Variants in ADAMTS2 observed in about 807,000 individuals in gnomAD.
ADAMTS2 encodes A disintegrin and metalloproteinase with thrombospondin motifs 2.
In ADAMTS2, 50 loss-of-function variants were observed where a neutral mutation model predicts 123.0. That is an observed-to-expected ratio of 0.41 (90% CI 0.32 to 0.51). ADAMTS2 has a LOEUF of 0.51. Among genes scored for constraint, ADAMTS2 ranks in the 20% least tolerant of loss-of-function variants. The pLI, the probability that ADAMTS2 is intolerant of heterozygous loss-of-function variation, is 0.35. For missense variants in ADAMTS2, 1,494 were observed against 1,705.2 expected (o/e 0.88, Z 2.18); for synonymous variants, 678 against 695.4 (o/e 0.98, Z 0.39).
chr5:179,331,025 G>A (rs62395044), intron 2 of ADAMTS2, among the ~76,000 whole-genome samples: 35,455 of 151,874 alleles, frequency 0.23, 4,281 homozygotes, highest in Admixed American at 0.29. Context: ...AGTGAAAGGA[G>A]CTGGCTCTGG....
chr5:179,320,975 A>G (rs1757154135), intron 2 of ADAMTS2, among the ~76,000 whole-genome samples: 1 of 152,236 alleles, frequency 6.6e-6, no homozygotes, highest in Admixed American at 6.5e-5. Context: ...GATGTGGGAA[A>G]AAAAACAACT....
At chr5:179,340,403 G>A (rs1757738734) in intron 2 of ADAMTS2, among the ~76,000 whole-genome samples, 1 of 152,220 alleles carries the variant, frequency 6.6e-6, no homozygotes, top group Non-Finnish European at 1.5e-5. Context: ...AGCCAGTCAA[G>A]GCCACTCAGC....
rs751658808 is a variant in ADAMTS2, at chr5:179,307,990, CA to C, written c.535-34927del. On this transcript the variant is annotated intron_variant, in intron 2 of 21. Transcript: ENST00000251582. This position sits in a 1 kb window ranked among gnomAD's most constrained non-coding sequence, Gnocchi z 5.6. ...CCTTGCTGGGTCCACGTCACCAGAC[CA>C]GTGCCTGGCATCTCACAGGCATGGA... Among the ~76,000 whole-genome samples, 1 of 152,206 alleles carries C rather than the reference CA, an allele frequency of 6.6e-6. No individual in the cohort carries two copies. Among genetic ancestry groups the C allele is most frequent in the Admixed American group, 6.5e-5 (1 of 15,282 alleles).
chr5:179,131,362 G>A (rs1262770358), intron 15 of ADAMTS2, among the ~76,000 whole-genome samples: 1 of 149,362 alleles, frequency 6.7e-6, no homozygotes, highest in African/African-American at 2.5e-5. Context: ...TCAAGAGAGT[G>A]AGATCCTGTC....
chr5:179,305,731 A>C (rs868747603), intron 2 of ADAMTS2, among the ~76,000 whole-genome samples: 1 of 152,234 alleles, frequency 6.6e-6, no homozygotes, highest in Non-Finnish European at 1.5e-5. Flanking sequence ...ATAAATCTCT[A>C]GTGAGACTGA....
At chr5:179,302,008 G>A (rs888525623) in intron 2 of ADAMTS2, among the ~76,000 whole-genome samples, 8 of 152,212 alleles carry the variant, frequency 5.3e-5, no homozygotes, top group South Asian at 4.1e-4. Flanking sequence ...CCCAGGCTCC[G>A]GGACTCCCTG....
intron 3 of ADAMTS2, among the ~76,000 whole-genome samples, chr5:179,218,429 G>T (rs544322072): frequency 6.6e-6 from 1 of 152,240 alleles, no homozygotes; most frequent in Non-Finnish European, 1.5e-5. Flanking sequence ...AAGCAGGCAG[G>T]CTCTTTGGAG....
chr5:179,215,406 C>A (rs372961176), intron 3 of ADAMTS2, among the ~76,000 whole-genome samples: 46 of 152,296 alleles, frequency 3.0e-4, no homozygotes, highest in African/African-American at 1.0e-3. Flanking sequence ...TGAGATCACG[C>A]CATTGCACTC....
chr5:179,152,061 G>T (rs1763369483), intron 10 of ADAMTS2, 81 bp downstream of exon 10: 1 of 1,329,662 alleles, frequency 7.5e-7, no homozygotes, highest in Non-Finnish European at 1.1e-6. Context: ...CCCACTTCAG[G>T]GCCTGTCCCT....
chr5:179,136,139 C>T (rs1462746142), intron 12 of ADAMTS2, 97 bp from the exon 13 acceptor site: 1 of 1,574,448 alleles, frequency 6.4e-7, no homozygotes. Flanking sequence ...CCACAAGGGT[C>T]CCCACGTGGC....
intron 3 of ADAMTS2, among the ~76,000 whole-genome samples, chr5:179,213,818 A>C (rs557035722): frequency 6.6e-6 from 1 of 152,336 alleles, no homozygotes; most frequent in African/African-American, 2.4e-5. Context: ...CATGGAAAAA[A>C]ATACAAAAGA....
chr5:179,123,885 C>T (rs550320905), intron 19 of ADAMTS2, among the ~76,000 whole-genome samples: 1 of 152,224 alleles, frequency 6.6e-6, no homozygotes, highest in Non-Finnish European at 1.5e-5. Context: ...TGGGGAACAC[C>T]TGCTTTTCCT....
chr5:179,190,521 C>T (rs11949990), intron 4 of ADAMTS2, among the ~76,000 whole-genome samples: 2,825 of 152,136 alleles, frequency 0.019, 86 homozygotes, highest in African/African-American at 0.064. Flanking sequence ...TAGAGAGTGC[C>T]CAAGGGGGTT....
rs188784176 is a variant in ADAMTS2 at position 179,206,109 on chromosome 5, A to G, written c.891+1404T>C. 4.1e-4 allele frequency among the ~76,000 whole-genome samples: 62 copies of G among 152,334 alleles called. No individual in the cohort carries two copies. The East Asian group carries it at 0.01, about 25-fold the overall frequency. On this transcript the variant is annotated intron_variant, in intron 4 of 21. Coordinates refer to ENST00000251582, the MANE Select transcript of ADAMTS2 (RefSeq NM_014244.5). The stretch of plus-strand genomic sequence containing the variant: ...TACGTTTCAAAAATAAGATGAGGGT[A>G]AGTGTGACAACGCTCTCCCAAATAA...
In ADAMTS2 at chr5:179,229,378, C is replaced by T. The variant is rs1199577235; in HGVS notation, c.689-21663G>A. 1.8e-4 allele frequency among the ~76,000 whole-genome samples: 6 copies of T among 32,540 alleles called. 1 individual carries two copies. The highest frequency in any genetic ancestry group is 5.4e-4 in the African/African-American group (3 of 5,600). 21.3% of individuals were successfully genotyped at this position (32,540 alleles called of 152,430 possible). A position where few individuals can be genotyped will look rare whatever the true frequency, so the allele number is the denominator to read the frequency against. ...CCCGACGGAGAGGTAATTCCACAAA[C>T]ACGAGACCCCGCTGCCCACTCCACA... On this transcript the variant is annotated intron_variant, in intron 3 of 21. Transcript: ENST00000251582.
Position 179,125,106 on chromosome 5 carries a change from C to A in ADAMTS2, c.2825G>T (p.Cys942Phe). 6.2e-7 allele frequency: 1 copy of A among 1,612,936 alleles called. No individual in the cohort carries two copies. The highest frequency in any genetic ancestry group is 8.5e-7 in the Non-Finnish European group (1 of 1,179,900). The stretch of plus-strand genomic sequence containing the variant: ...GGTGTTGTCGTGTAGCGGCTGAATG[C>A]AGCGCACGGAGCGCACCTGCATGCC... ...RTGMQVRSVR[C>F]IQPLHDNTTR... Residue 942 changes from cysteine (C) to phenylalanine (F), a missense_variant, in exon 19 of 22, where the codon TGC (cysteine) becomes TTC (phenylalanine). Coordinates refer to ENST00000251582, the MANE Select transcript of ADAMTS2 (RefSeq NM_014244.5).
rs10038484 is a variant in ADAMTS2 at position 179,113,025 on chromosome 5, A to G, written c.*842T>C. On this transcript the variant is annotated 3_prime_UTR_variant, in exon 22 of 22. Coordinates refer to ENST00000251582, the MANE Select transcript of ADAMTS2 (RefSeq NM_014244.5). ...CAGGTGGAGGACAGCTGCACGGCTCAGACTCGGTCGAGACATTCAGATGCC... is the reference window on the plus strand; with the variant it reads ...CAGGTGGAGGACAGCTGCACGGCTCGGACTCGGTCGAGACATTCAGATGCC... 70,830 of 152,226 alleles carry G rather than the reference A, an allele frequency of 0.47. 17,494 individuals carry two copies. The highest frequency in any genetic ancestry group is 0.64 in the African/African-American group (26,453 of 41,452). 9.4% of individuals were successfully genotyped at this position (152,226 alleles called of 1,614,324 possible).
In ADAMTS2 at chr5:179,307,644, TC is replaced by T. The variant is rs1054823074; in HGVS notation, c.535-34581del. On this transcript the variant is annotated intron_variant, in intron 2 of 21. Transcript: ENST00000251582. The surrounding 1 kb of genome is among the most constrained non-coding windows in gnomAD (Gnocchi z 5.6). ...GCTTCCCACCACATGACTGCCCCGG[TC>T]CCCGCTGATTTCTCCTTCACTCAAG... Among the ~76,000 whole-genome samples, 1 of 152,040 alleles carries T rather than the reference TC, an allele frequency of 6.6e-6. No homozygotes were observed. The highest frequency in any genetic ancestry group is 2.4e-5 in the African/African-American group (1 of 41,380).
At chr5:179,157,074 C>T (rs1487316269) in intron 6 of ADAMTS2, among the ~76,000 whole-genome samples, 1 of 150,852 alleles carries the variant, frequency 6.6e-6, no homozygotes, top group East Asian at 2.0e-4. Flanking sequence ...AGTGATTTTC[C>T]TGCCTCAGCC....
Sources: allele counts gnomAD v4.1 joint callset (sites outside exome capture counted in the v4.1 genomes callset), GRCh38; gene constraint gnomAD v4.1.1; non-coding constraint Gnocchi (gnomAD v3.1); transcripts MANE v1.5; gene names NCBI Gene and HGNC (gene_info 2026-07-23, HGNC 2026-07-21).